Variants in GUCY2F observed in about 807,000 individuals in gnomAD.
GUCY2F encodes the protein retinal guanylyl cyclase 2.
GUCY2F carries 61 observed loss-of-function variants against 73.1 expected under a neutral mutation model. The observed-to-expected ratio is 0.83, with a 90% CI of 0.68 to 1.03. GUCY2F has a LOEUF of 1.03. Among genes scored for constraint, GUCY2F ranks in the 50% least tolerant of loss-of-function variants. The probability of loss-of-function intolerance (pLI) is 0.00; values close to 1 mark genes in which losing one functional copy is unlikely to be tolerated. For missense variants in GUCY2F, 912 were observed against 854.3 expected, an observed-to-expected ratio of 1.07 and a Z score of -0.84; for synonymous variants, 331 against 307.8, an observed-to-expected ratio of 1.08 and a Z score of -0.79.
At chrX:109,465,531 T>A (rs1256006903) in intron 2 of GUCY2F, 88 bp from the exon 3 acceptor site, 10 of 667,222 alleles carry the variant, frequency 1.5e-5, no homozygotes, top group Non-Finnish European at 2.1e-5. Context: ...ATAAATGTGT[T>A]CTAACCAATT....
chrX:109,373,345 G>C (rs897499132), intron 19 of GUCY2F, among the ~76,000 whole-genome samples: 1 of 111,562 alleles, frequency 9.0e-6, no homozygotes, highest in African/African-American at 3.3e-5. Context: ...CTATATGTGT[G>C]GTGGTCAGGT....
intron 3 of GUCY2F, among the ~76,000 whole-genome samples, chrX:109,463,821 G>A (rs1014688153): frequency 1.1e-4 from 12 of 111,573 alleles, no homozygotes; most frequent in African/African-American, 3.9e-4. Context: ...TGTGATGTCT[G>A]GAACTGTGGC....
At chrX:109,385,435 G>A (rs1342829620) in intron 15 of GUCY2F, among the ~76,000 whole-genome samples, 153 bp from the exon 16 acceptor site, 1 of 112,679 alleles carries the variant, frequency 8.9e-6, no homozygotes, top group Non-Finnish European at 1.9e-5. Flanking sequence ...ACAATGAGTA[G>A]TGAACTCTTT....
At chrX:109,388,870 G>A (rs961070838) in intron 14 of GUCY2F, among the ~76,000 whole-genome samples, 28 of 111,328 alleles carry the variant, frequency 2.5e-4, no homozygotes, top group African/African-American at 9.2e-4. Context: ...CCCACACCAA[G>A]AGATTCTGAA....
At chrX:109,409,452 G>C (rs1268561584) in intron 8 of GUCY2F, among the ~76,000 whole-genome samples, 2 of 111,770 alleles carry the variant, frequency 1.8e-5, no homozygotes, top group Non-Finnish European at 3.8e-5. Context: ...CAAAATATGA[G>C]GACTCAACAG....
intron 8 of GUCY2F, among the ~76,000 whole-genome samples, chrX:109,410,388 T>C (rs1013044285): frequency 4.4e-5 from 5 of 112,492 alleles, no homozygotes; most frequent in African/African-American, 1.6e-4. Context: ...TTTCTATGAA[T>C]ACTCATCTAC....
intron 6 of GUCY2F, among the ~76,000 whole-genome samples, chrX:109,445,128 A>G (rs910913049): frequency 9.0e-6 from 1 of 111,427 alleles, no homozygotes; most frequent in Non-Finnish European, 1.9e-5. Context: ...GAAATCTGGG[A>G]CTACATGTCA....
chrX:109,449,386 G>T (rs1436649442), intron 5 of GUCY2F, among the ~76,000 whole-genome samples: 2 of 112,224 alleles, frequency 1.8e-5, no homozygotes, highest in African/African-American at 6.5e-5. Flanking sequence ...GTGGATTCTT[G>T]GGTAGAGCAC....
intron 2 of GUCY2F, among the ~76,000 whole-genome samples, chrX:109,474,947 C>T (rs1224978784): frequency 8.9e-6 from 1 of 112,242 alleles, no homozygotes; most frequent in African/African-American, 3.2e-5. Flanking sequence ...TGACACCATT[C>T]TTCACTCAGG....
At chrX:109,446,161 A>G (rs1932001607) in intron 6 of GUCY2F, among the ~76,000 whole-genome samples, 1 of 112,076 alleles carries the variant, frequency 8.9e-6, no homozygotes, top group South Asian at 3.7e-4. Flanking sequence ...CATGCTCATG[A>G]ATAAGAAGAA....
chrX:109,402,607 G>A lies in GUCY2F; in HGVS notation c.2125+1721C>T, dbSNP rs758128981. On this transcript the variant is annotated intron_variant, in intron 10 of 19. Transcript: ENST00000218006. ...AGGTTGGTCTCGAACTCCTGACCTC[G>A]TGATCTGCCCACCTCAGCCTCCCAA... 4.5e-5 allele frequency among the ~76,000 whole-genome samples: 5 copies of A among 111,235 alleles called. No individual in the cohort carries two copies. In the South Asian group the frequency reaches 1.9e-3, roughly 42 times the overall value.
intron 14 of GUCY2F, among the ~76,000 whole-genome samples, chrX:109,391,070 C>G (rs1274750327): frequency 8.9e-6 from 1 of 112,261 alleles, no homozygotes; most frequent in African/African-American, 3.2e-5. Context: ...GTTTAGGATG[C>G]CTGGGGCATC....
chrX:109,437,212 A>C (rs1321882334), intron 7 of GUCY2F, among the ~76,000 whole-genome samples: 1 of 111,132 alleles, frequency 9.0e-6, no homozygotes, highest in African/African-American at 3.3e-5. Context: ...CTTCCTTCAC[A>C]CCCTGCCATC....
intron 2 of GUCY2F, among the ~76,000 whole-genome samples, chrX:109,473,625 A>G (rs944162608): frequency 2.7e-5 from 3 of 111,300 alleles, no homozygotes; most frequent in Admixed American, 9.5e-5. Flanking sequence ...GGGCAATAAT[A>G]TGTGCATTTG....
At chrX:109,407,294 G>T (rs768624207) in intron 9 of GUCY2F, among the ~76,000 whole-genome samples, 1 of 112,347 alleles carries the variant, frequency 8.9e-6, no homozygotes, top group South Asian at 3.7e-4. Flanking sequence ...GTGGAACTTT[G>T]AACTTGAGAG....
At chrX:109,398,727 C>T (rs6643438) in intron 10 of GUCY2F, 29 bp from the exon 11 acceptor site, 279 of 1,178,731 alleles carry the variant, frequency 2.4e-4, no homozygotes, top group Admixed American at 1.2e-3. Context: ...GTAATGAATG[C>T]AGGGAGGATT....
At chrX:109,405,110 G>T (rs1280512316) in intron 9 of GUCY2F, among the ~76,000 whole-genome samples, 2 of 112,054 alleles carry the variant, frequency 1.8e-5, no homozygotes, top group Non-Finnish European at 3.8e-5. Context: ...GAATAAGATA[G>T]ATCTGTATGT....
intron 10 of GUCY2F, among the ~76,000 whole-genome samples, chrX:109,401,158 G>A (rs188311142): frequency 5.4e-4 from 60 of 111,788 alleles, no homozygotes; most frequent in Admixed American, 2.8e-4. Context: ...TTTACAATCC[G>A]CCCCCATTTC....
At chrX:109,435,717 C>A (rs1191225962) in intron 7 of GUCY2F, among the ~76,000 whole-genome samples, 3 of 111,262 alleles carry the variant, frequency 2.7e-5, no homozygotes, top group Non-Finnish European at 5.6e-5. Flanking sequence ...GTTTTCAAAG[C>A]CAATGCTTCC....
Sources: gnomAD v4.1 joint callset for allele counts (sites outside exome capture counted in the v4.1 genomes callset) on GRCh38, gnomAD v4.1.1 for gene constraint, MANE v1.5 for transcripts, NCBI Gene and HGNC (gene_info 2026-07-23, HGNC 2026-07-21) for gene names.